Variants in LRRC4C observed in about 807,000 individuals in gnomAD.
LRRC4C encodes leucine rich repeat containing 4C.
A neutral mutation model predicts 33.6 loss-of-function variants in LRRC4C; 5 were observed. The observed-to-expected ratio is 0.15, with a 90% CI of 0.08 to 0.31. The LOEUF is 0.31. LRRC4C is among the 10% of genes least tolerant of loss of function. The probability of loss-of-function intolerance (pLI) is 1.00; values close to 1 mark genes in which losing one functional copy is unlikely to be tolerated. For missense variants in LRRC4C, 560 were observed against 796.7 expected (o/e 0.70, Z 3.58); for synonymous variants, 329 against 302.0 (o/e 1.09, Z -0.93).
At chr11:40,967,955 C>T (rs1851474659) in intron 1 of LRRC4C, among the ~76,000 whole-genome samples, 2 of 151,964 alleles carry the variant, frequency 1.3e-5, no homozygotes, top group African/African-American at 4.8e-5. Flanking sequence ...ACATATCTCA[C>T]TTTAAATCCA....
At position 40,979,755 on chromosome 11, in the gene LRRC4C, T is replaced by C. The variant is rs1852374940; in HGVS notation, c.-495-46032A>G. 1.3e-5 allele frequency among the ~76,000 whole-genome samples: 2 copies of C among 152,194 alleles called. 1 individual carries two copies. Among genetic ancestry groups the C allele is most frequent in the African/African-American group, 4.8e-5 (2 of 41,450 alleles). On this transcript the variant is annotated intron_variant, in intron 1 of 6. Coordinates refer to ENST00000528697, the MANE Select transcript of LRRC4C (RefSeq NM_001258419.2). Reference sequence around the variant, plus strand: ...GTAAATGCTTCTGCCATTTTATGTGTTTCACCTAATGAAACATATTCCTTG... The same window carrying C: ...GTAAATGCTTCTGCCATTTTATGTGCTTCACCTAATGAAACATATTCCTTG...
chr11:41,146,693 G>A (rs996126037), intron 1 of LRRC4C, among the ~76,000 whole-genome samples: 1 of 152,152 alleles, frequency 6.6e-6, no homozygotes, highest in African/African-American at 2.4e-5. Context: ...TGAAGTGGAG[G>A]AGCCAGACAT....
intron 3 of LRRC4C, among the ~76,000 whole-genome samples, chr11:40,360,431 A>G (rs1947895952): frequency 6.6e-6 from 1 of 152,234 alleles, no homozygotes; most frequent in Non-Finnish European, 1.5e-5. Context: ...ATCAATAGAA[A>G]GTAGCAGGTG....
At chr11:40,117,870 T>A (rs1482448231) in intron 6 of LRRC4C, among the ~76,000 whole-genome samples, 2 of 151,866 alleles carry the variant, frequency 1.3e-5, no homozygotes, top group Non-Finnish European at 2.9e-5. Flanking sequence ...ATATATCACA[T>A]AGGGTTGTTG....
chr11:40,513,952 T>C (rs770795081), intron 3 of LRRC4C, among the ~76,000 whole-genome samples: 1 of 152,166 alleles, frequency 6.6e-6, no homozygotes, highest in Non-Finnish European at 1.5e-5. Flanking sequence ...GAGCCAACTG[T>C]CTCACCTTAA....
rs187785813 is a variant in LRRC4C, at chr11:41,338,962, A to G, written c.-496+120469T>C. ...TACTAGAATAAAATAAAATAAAATG[A>G]AATACGAATAATACAACTAAAAGAG... On this transcript the variant is annotated intron_variant, in intron 1 of 6. Coordinates refer to ENST00000528697, the MANE Select transcript of LRRC4C (RefSeq NM_001258419.2). Among the ~76,000 whole-genome samples the G allele has an allele frequency of 4.4e-3, 669 of 152,316 alleles. 1 individual carries two copies. Among genetic ancestry groups the G allele is most frequent in the Middle Eastern group, 0.014 (4 of 294 alleles).
intron 2 of LRRC4C, among the ~76,000 whole-genome samples, chr11:40,830,741 G>A (rs1952376790): frequency 6.6e-6 from 1 of 151,960 alleles, no homozygotes; most frequent in Non-Finnish European, 1.5e-5. Flanking sequence ...TTGTAGGTTG[G>A]TCACCAATAA....
At chr11:40,527,910 G>A (rs1956121639) in intron 3 of LRRC4C, among the ~76,000 whole-genome samples, 1 of 152,102 alleles carries the variant, frequency 6.6e-6, no homozygotes, top group East Asian at 1.9e-4. Context: ...CATGATGCCT[G>A]GCTAATTTTG....
At chr11:40,177,713 T>G (rs1233001491) in intron 5 of LRRC4C, among the ~76,000 whole-genome samples, 1 of 152,212 alleles carries the variant, frequency 6.6e-6, no homozygotes. Flanking sequence ...CAGTTCCATT[T>G]TTCCGTTGTT....
intron 3 of LRRC4C, among the ~76,000 whole-genome samples, chr11:40,364,418 G>A (rs1387869371): frequency 1.3e-5 from 2 of 152,036 alleles, no homozygotes; most frequent in Non-Finnish European, 1.5e-5. Flanking sequence ...GCTTTTAAAG[G>A]TAGTTAATAT....
chr11:41,097,153 T>C (rs1940860268), intron 1 of LRRC4C, among the ~76,000 whole-genome samples: 1 of 152,158 alleles, frequency 6.6e-6, no homozygotes, highest in Non-Finnish European at 1.5e-5. Flanking sequence ...GGAGGAGTCG[T>C]GATGCTCATG....
At chr11:41,340,037 A>C (rs550869745) in intron 1 of LRRC4C, among the ~76,000 whole-genome samples, 1 of 152,132 alleles carries the variant, frequency 6.6e-6, no homozygotes, top group Non-Finnish European at 1.5e-5. Flanking sequence ...TAAAAGAAAA[A>C]GTTTAGAAGA....
intron 3 of LRRC4C, among the ~76,000 whole-genome samples, chr11:40,567,793 C>A (rs1163837279): frequency 6.6e-6 from 1 of 152,188 alleles, no homozygotes; most frequent in Non-Finnish European, 1.5e-5. Context: ...CTAGCATATG[C>A]TAGTCTCTCT....
chr11:41,085,363 G>T (rs1939891028), intron 1 of LRRC4C, among the ~76,000 whole-genome samples: 1 of 152,032 alleles, frequency 6.6e-6, no homozygotes, highest in Non-Finnish European at 1.5e-5. Context: ...ATGAATCTTT[G>T]CCTTTTTCAA....
chr11:40,815,015 T>G (rs1951650052), intron 2 of LRRC4C, among the ~76,000 whole-genome samples: 1 of 152,138 alleles, frequency 6.6e-6, no homozygotes, highest in Non-Finnish European at 1.5e-5. Flanking sequence ...CGCTTCCACA[T>G]TTTTGGGTAT....
chr11:40,172,568 T>C (rs11035724), intron 5 of LRRC4C, among the ~76,000 whole-genome samples: 35,260 of 151,898 alleles, frequency 0.23, 4,416 homozygotes, highest in Non-Finnish European at 0.27. Context: ...CCCATGCTCC[T>C]CAGTTTGTTT....
chr11:40,639,952 T>C (rs1942008644), intron 3 of LRRC4C, among the ~76,000 whole-genome samples: 1 of 152,102 alleles, frequency 6.6e-6, no homozygotes, highest in African/African-American at 2.4e-5. Flanking sequence ...CAAAAGGTTC[T>C]TCAGCTCCAC....
chr11:40,607,180 C>T lies in LRRC4C; in HGVS notation c.-270+40962G>A, dbSNP rs141410137. Among the ~76,000 whole-genome samples, 607 of 152,290 alleles carry T rather than the reference C, an allele frequency of 4.0e-3. 3 individuals carry two copies. The highest frequency in any genetic ancestry group is 0.013 in the African/African-American group (546 of 41,566). ...CAAAAGCTGAGGGAGTTTATCACCA[C>T]TAGACCTGCTTTACAATAAATGCTA... On this transcript the variant is annotated intron_variant, in intron 3 of 6. Coordinates refer to ENST00000528697, the MANE Select transcript of LRRC4C (RefSeq NM_001258419.2).
At chr11:40,473,794 T>C (rs180944418) in intron 3 of LRRC4C, among the ~76,000 whole-genome samples, 42 of 152,106 alleles carry the variant, frequency 2.8e-4, no homozygotes, top group Middle Eastern at 6.8e-3. Flanking sequence ...TCACAAGCAT[T>C]CCTCTACACC....
Sources: allele counts gnomAD v4.1 joint callset (sites outside exome capture counted in the v4.1 genomes callset), GRCh38; gene constraint gnomAD v4.1.1; transcripts MANE v1.5; gene names NCBI Gene and HGNC (gene_info 2026-07-23, HGNC 2026-07-21).